SRBD1: variants seen among roughly 807,000 people sequenced by gnomAD.
SRBD1 encodes the protein S1 RNA-binding domain-containing protein 1.
Under a neutral mutation model 115.3 loss-of-function variants are expected in SRBD1, and 88 were observed. That is an observed-to-expected ratio of 0.76 (90% CI 0.64 to 0.91). The LOEUF (loss-of-function observed/expected upper bound fraction) is 0.91. Ranked by LOEUF, SRBD1 falls within the 40% of genes least tolerant of loss-of-function variation. SRBD1 has a pLI of 0.00. For missense variants in SRBD1, 1,385 were observed against 1,177.4 expected (o/e 1.18, Z -2.58); for synonymous variants, 509 against 407.7 (o/e 1.25, Z -2.99).
intron 3 of SRBD1, among the ~76,000 whole-genome samples, chr2:45,601,432 CAA>C (rs1454501290): frequency 6.6e-6 from 1 of 152,164 alleles, no homozygotes; most frequent in South Asian, 2.1e-4. Flanking sequence ...TAAAAACACC[CAA>C]GAGAGATATA....
chr2:45,504,839 T>G (rs1670749772), intron 14 of SRBD1, among the ~76,000 whole-genome samples: 1 of 152,124 alleles, frequency 6.6e-6, no homozygotes, highest in Non-Finnish European at 1.5e-5. Context: ...TACATATGTA[T>G]GACATATGAT....
intron 9 of SRBD1, among the ~76,000 whole-genome samples, chr2:45,568,436 T>C (rs980055165): frequency 3.9e-5 from 6 of 152,336 alleles, no homozygotes; most frequent in East Asian, 1.9e-4. Context: ...CTCAGCACTA[T>C]AGGAATTGGG....
At chr2:45,532,439 C>T (rs1249893817) in intron 14 of SRBD1, among the ~76,000 whole-genome samples, 1 of 151,784 alleles carries the variant, frequency 6.6e-6, no homozygotes, top group African/African-American at 2.4e-5. Flanking sequence ...TCTAGAATTA[C>T]AGCACTGTAG....
intron 16 of SRBD1, among the ~76,000 whole-genome samples, chr2:45,441,788 T>C (rs1051497878): frequency 2.0e-5 from 3 of 152,210 alleles, no homozygotes; most frequent in South Asian, 2.1e-4. Flanking sequence ...ATTCCTATTA[T>C]AGAAACGCTT....
chr2:45,592,401 A>G (rs1003190715), intron 4 of SRBD1, among the ~76,000 whole-genome samples: 1 of 152,152 alleles, frequency 6.6e-6, no homozygotes, highest in Admixed American at 6.5e-5. Context: ...CTAAGGGAAG[A>G]ATCACGGGAA....
chr2:45,574,205 A>G (rs912647583), intron 8 of SRBD1, among the ~76,000 whole-genome samples: 2 of 152,196 alleles, frequency 1.3e-5, no homozygotes, highest in Admixed American at 1.3e-4. Flanking sequence ...CATATCTGAT[A>G]TTACACATTC....
At chr2:45,547,730 T>A in intron 12 of SRBD1, 118 bp from the exon 13 acceptor site, 1 of 714,196 alleles carries the variant, frequency 1.4e-6, no homozygotes, top group Non-Finnish European at 2.3e-6. Flanking sequence ...TATAATGAAG[T>A]CTGAACTATT....
chr2:45,398,972 C>T (rs974148535), intron 19 of SRBD1, among the ~76,000 whole-genome samples: 16 of 152,034 alleles, frequency 1.1e-4, no homozygotes, highest in Non-Finnish European at 2.4e-4. Context: ...GACATCTAAA[C>T]TGTTGTAGGA....
chr2:45,572,193 T>C (rs6544831), intron 9 of SRBD1, among the ~76,000 whole-genome samples: 31,674 of 152,002 alleles, frequency 0.21, 5,829 homozygotes, highest in African/African-American at 0.5. Flanking sequence ...CATAAAAAAC[T>C]ATGGAGGCCA....
At chr2:45,402,830 C>T (rs1667326486) in intron 19 of SRBD1, among the ~76,000 whole-genome samples, 1 of 152,170 alleles carries the variant, frequency 6.6e-6, no homozygotes, top group South Asian at 2.1e-4. Context: ...GCACCAAGCA[C>T]TACTCCTGGC....
chr2:45,562,220 T>C (rs1426546442), intron 10 of SRBD1, among the ~76,000 whole-genome samples: 1 of 151,944 alleles, frequency 6.6e-6, no homozygotes, highest in Admixed American at 6.6e-5. Flanking sequence ...TATTGGTGGG[T>C]TTTTTGTTTG....
At chr2:45,528,272 T>C (rs191051014) in intron 14 of SRBD1, among the ~76,000 whole-genome samples, 2 of 151,872 alleles carry the variant, frequency 1.3e-5, no homozygotes, top group Admixed American at 6.6e-5. Context: ...AGACTATACA[T>C]GAAAAGTAGG....
intron 19 of SRBD1, among the ~76,000 whole-genome samples, chr2:45,412,368 A>G (rs1667629608): frequency 6.6e-6 from 1 of 152,070 alleles, no homozygotes; most frequent in African/African-American, 2.4e-5. Context: ...ATAATATACT[A>G]TAGTCTTTTT....
chr2:45,580,653 C>T (rs1225007694), intron 6 of SRBD1, among the ~76,000 whole-genome samples: 1 of 144,304 alleles, frequency 6.9e-6, no homozygotes. Context: ...GCCACCGCAC[C>T]TGGCCGGTCA....
At chr2:45,421,580 C>T (rs1668009135) in intron 16 of SRBD1, among the ~76,000 whole-genome samples, 1 of 121,216 alleles carries the variant, frequency 8.2e-6, no homozygotes, top group African/African-American at 3.1e-5. Flanking sequence ...TGATGAAATG[C>T]AATATTTTAA....
At chr2:45,544,261 T>C (rs1322245629) in intron 14 of SRBD1, among the ~76,000 whole-genome samples, 2 of 151,228 alleles carry the variant, frequency 1.3e-5, no homozygotes, top group Non-Finnish European at 2.9e-5. Context: ...AAAATTTATA[T>C]TAATGGGGTC....
chr2:45,470,852 T>TA (rs1209679699), intron 16 of SRBD1, among the ~76,000 whole-genome samples: 1 of 152,196 alleles, frequency 6.6e-6, no homozygotes, highest in Non-Finnish European at 1.5e-5. Flanking sequence ...CATGTGTTTT[T>TA]AAAATCACCT....
At chr2:45,493,424 C>T (rs1344680331) in intron 14 of SRBD1, among the ~76,000 whole-genome samples, 1 of 152,156 alleles carries the variant, frequency 6.6e-6, no homozygotes, top group East Asian at 1.9e-4. Context: ...GAGCTTACTT[C>T]TAAGAAAATA....
In SRBD1 at chr2:45,602,057, T is replaced by C. The variant is rs751836151; in HGVS notation, c.107A>G (p.Lys36Arg). ...ELSSASEEDD[K>R]EDSAWEPQKK... ...TTGGGGCTCCCAGGCACTATCTTCC[T>C]TGTCATCTTCTTCAGAGGCAGATGA... Residue 36 changes from lysine to arginine, a missense_variant, in exon 3 of 21, where the codon AAG becomes AGG. By Grantham distance (26) the Lys-to-Arg change is conservative (BLOSUM62 2). Transcript: ENST00000263736. The C allele has an allele frequency of 1.2e-6, 2 of 1,613,972 alleles. No individual in the cohort carries two copies. The highest frequency in any genetic ancestry group is 2.2e-5 in the East Asian group (1 of 44,886).
Sources: allele counts gnomAD v4.1 joint callset (sites outside exome capture counted in the v4.1 genomes callset), GRCh38; gene constraint gnomAD v4.1.1; transcripts MANE v1.5; gene names NCBI Gene and HGNC (gene_info 2026-07-23, HGNC 2026-07-21).